The following FGB variants were observed in gnomAD, a reference collection of about 807,000 sequenced individuals.
FGB encodes the protein beta-fibrinogen.
FGB carries 25 observed loss-of-function variants against 57.9 expected under a neutral mutation model. That is an observed-to-expected ratio of 0.43 (90% CI 0.31 to 0.60). FGB has a LOEUF of 0.60. Ranked by LOEUF, FGB falls within the 20% of genes least tolerant of loss-of-function variation. The probability of loss-of-function intolerance (pLI) is 0.08; values close to 1 mark genes in which losing one functional copy is unlikely to be tolerated. For missense variants in FGB, 536 were observed against 598.4 expected, an observed-to-expected ratio of 0.90 and a Z score of 1.09; for synonymous variants, 203 against 199.2, an observed-to-expected ratio of 1.02 and a Z score of -0.16.
chr4:154,566,439 TCCATGAC>T (rs758347635), intron 2 of FGB, 43 bp from the exon 3 acceptor site: 3 of 1,542,166 alleles, frequency 1.9e-6, no homozygotes, highest in South Asian at 1.1e-5. Flanking sequence ...TTAACAAATG[TCCATGAC>T]CCAAATCCTT....
At chr4:154,568,682 CAAAA>C (rs1234971217) in intron 5 of FGB, among the ~76,000 whole-genome samples, 188 bp downstream of exon 5, 3 of 84,490 alleles carry the variant, frequency 3.6e-5, no homozygotes, top group Non-Finnish European at 6.8e-5. Flanking sequence ...CCTAACTCTA[CAAAA>C]AAAAAAAAAA....
rs962519164 is a variant in FGB at position 154,572,786 on chromosome 4, A to G, written c.*2136A>G. Among the ~76,000 whole-genome samples the G allele has an allele frequency of 6.6e-6, 1 of 152,166 alleles. No homozygotes were observed. Among genetic ancestry groups the G allele is most frequent in the Non-Finnish European group, 1.5e-5 (1 of 68,024 alleles). On this transcript the variant is annotated 3_prime_UTR_variant, in exon 8 of 8. Coordinates refer to ENST00000302068, the MANE Select transcript of FGB (RefSeq NM_005141.5). ...TATCACTGGCACAGTCAAGATATTA[A>G]ATATATCCATCACCTCCAAAAGTTT... is the stretch of plus-strand genomic sequence containing the variant.
At position 154,570,704 on chromosome 4, in the gene FGB, A is replaced by G. The variant is rs1730388979; in HGVS notation, c.*54A>G. ...GTATGTGACAACATTTTTGTACATT[A>G]TGTTATTGGAATTTTCTTTCATACA... is the stretch of plus-strand genomic sequence containing the variant. On this transcript the variant is annotated 3_prime_UTR_variant, in exon 8 of 8. Transcript: ENST00000302068. 7.4e-7 allele frequency: 1 copy of G among 1,352,988 alleles called. No homozygotes were observed. The highest frequency in any genetic ancestry group is 1.7e-5 in the Admixed American group (1 of 57,410). The allele number at this position is 1,352,988 out of a possible 1,614,324, so 83.8% of individuals were successfully genotyped here.
chr4:154,567,849 G>C, intron 4 of FGB, 29 bp downstream of exon 4: 1 of 1,521,890 alleles, frequency 6.6e-7, no homozygotes, highest in Non-Finnish European at 9.1e-7. Context: ...TATTTTTAGA[G>C]AGTTCCAGAA....
At position 154,569,846 on chromosome 4, in the gene FGB, C is replaced by T. The variant is rs753182744; in HGVS notation, c.1244+47C>T. 12 of 1,597,836 alleles carry T rather than the reference C, an allele frequency of 7.5e-6. No individual in the cohort carries two copies. In the South Asian group the frequency reaches 1.1e-4, roughly 15 times the overall value. On this transcript the variant is annotated intron_variant, in intron 7 of 7. Coordinates refer to ENST00000302068, the MANE Select transcript of FGB (RefSeq NM_005141.5). ...CCTGCTTTAAAAATCACACTAATAT[C>T]ATTACTCAGAATCATTAACAATATT...
Position 154,568,457 on chromosome 4 carries a change from G to A in FGB, c.795G>A (p.Pro265=), listed in dbSNP as rs144912407. The part of the protein sequence containing the change: ...YLIQPDSSVK[P]YRVYCDMNTE... ...TTCAACCTGACAGTTCTGTCAAACCGTATAGAGTATACTGTGACATGAATA... is the reference window on the plus strand; with the variant it reads ...TTCAACCTGACAGTTCTGTCAAACCATATAGAGTATACTGTGACATGAATA... The change falls in exon 5 of 8, where the codon CCG becomes CCA. Residue 265 remains proline (P), a synonymous_variant. Transcript: ENST00000302068. 3.6e-5 allele frequency: 58 copies of A among 1,598,048 alleles called. No individual in the cohort carries two copies. Among genetic ancestry groups the A allele is most frequent in the South Asian group, 1.4e-4 (13 of 90,746 alleles).
intron 7 of FGB, 110 bp downstream of exon 7, chr4:154,569,909 C>A: frequency 2.5e-6 from 3 of 1,189,412 alleles, no homozygotes; most frequent in South Asian, 1.3e-5. Flanking sequence ...TACTGTCAGC[C>A]ACTGTCCTAA....
chr4:154,563,215 A>T, intron 1 of FGB, 83 bp downstream of exon 1: 3 of 661,094 alleles, frequency 4.5e-6, no homozygotes, highest in South Asian at 1.9e-5. Context: ...GCTTATTTTA[A>T]TGAAATTAGC....
chr4:154,568,738 C>G (rs2110773515), intron 5 of FGB, among the ~76,000 whole-genome samples: 1 of 150,608 alleles, frequency 6.6e-6, no homozygotes, highest in South Asian at 2.1e-4. Flanking sequence ...GTAGTATGTG[C>G]CTGTAGTCCC....
chr4:154,567,322 C>T (rs752752373), intron 3 of FGB, among the ~76,000 whole-genome samples: 15 of 152,136 alleles, frequency 9.9e-5, no homozygotes, highest in Non-Finnish European at 1.8e-4. Context: ...TTTCCCTCAC[C>T]AAAGAAATAA....
chr4:154,568,344 A>AC, intron 4 of FGB, 37 bp from the exon 5 acceptor site: 1 of 1,074,482 alleles, frequency 9.3e-7, no homozygotes, highest in Non-Finnish European at 1.5e-6. Flanking sequence ...TAATTATGTC[A>AC]TAAACCCCTG....
chr4:154,563,170 T>G (rs372604576), intron 1 of FGB, 38 bp downstream of exon 1: 57 of 823,468 alleles, frequency 6.9e-5, no homozygotes, highest in South Asian at 4.7e-4. Context: ...ATTAGTAGTA[T>G]TATTAATATA....
intron 3 of FGB, 58 bp downstream of exon 3, chr4:154,566,730 T>C (rs979168616): frequency 1.1e-5 from 17 of 1,492,916 alleles, no homozygotes; most frequent in Non-Finnish European, 1.3e-5. Flanking sequence ...ACCGTTAGAC[T>C]GCCACGAGAA....
At position 154,569,635 on chromosome 4, in the gene FGB, T is replaced by C; in HGVS notation, c.1080T>C (p.Thr360=). 1 of 1,614,152 alleles carries C rather than the reference T, an allele frequency of 6.2e-7. No homozygotes were observed. Among genetic ancestry groups the C allele is most frequent in the Non-Finnish European group, 8.5e-7 (1 of 1,180,028 alleles). ...TAAAGGCTCACTATGGAGGATTCAC[T>C]GTACAGAATGAAGCCAACAAATACC... ...DKVKAHYGGF[T]VQNEANKYQI... is the part of the protein sequence containing the mutation. Residue 360 remains threonine (T), a synonymous_variant, in exon 7 of 8, where the codon ACT becomes ACC. Coordinates refer to ENST00000302068, the MANE Select transcript of FGB (RefSeq NM_005141.5).
In FGB at chr4:154,571,920, G is replaced by A. The variant is rs1730444688; in HGVS notation, c.*1270G>A. Among the ~76,000 whole-genome samples, 1 of 152,116 alleles carries A rather than the reference G, an allele frequency of 6.6e-6. No individual in the cohort carries two copies. Among genetic ancestry groups the A allele is most frequent in the Non-Finnish European group, 1.5e-5 (1 of 68,030 alleles). ...GCTCATTAATTTCTGTCTTGGAAAT[G>A]CTACTACTCTCTTTAATTACTCACC... On this transcript the variant is annotated 3_prime_UTR_variant, in exon 8 of 8. Transcript: ENST00000302068.
At chr4:154,567,987 C>T in intron 4 of FGB, 167 bp downstream of exon 4, 1 of 688,896 alleles carries the variant, frequency 1.5e-6, no homozygotes, top group Non-Finnish European at 2.6e-6. Flanking sequence ...TTTGGACTGG[C>T]CTGGTGCATT....
intron 6 of FGB, 61 bp from the exon 7 acceptor site, chr4:154,569,452 AG>A: frequency 1.3e-6 from 2 of 1,590,896 alleles, no homozygotes; most frequent in Non-Finnish European, 1.7e-6. Flanking sequence ...AAGGGAAGAA[AG>A]GCAGTTTTTA....
chr4:154,572,176 T>A lies in FGB; in HGVS notation c.*1526T>A, dbSNP rs1194969282. Among the ~76,000 whole-genome samples, 2 of 152,148 alleles carry A rather than the reference T, an allele frequency of 1.3e-5. No individual in the cohort carries two copies. Among genetic ancestry groups the A allele is most frequent in the Admixed American group, 6.6e-5 (1 of 15,266 alleles). On this transcript the variant is annotated 3_prime_UTR_variant, in exon 8 of 8. Transcript: ENST00000302068. ...CCTGTTCCCTTCACTATAACCTACATTTTTGTCACATTAAGTTTTTCCCCA... is the reference window on the plus strand; with the variant it reads ...CCTGTTCCCTTCACTATAACCTACAATTTTGTCACATTAAGTTTTTCCCCA...
Position 154,570,656 on chromosome 4 carries a change from A to C in FGB, c.*6A>C. 1 of 1,606,414 alleles carries C rather than the reference A, an allele frequency of 6.2e-7. No individual in the cohort carries two copies. On this transcript the variant is annotated 3_prime_UTR_variant, in exon 8 of 8. Transcript: ENST00000302068. ...CCTTCTTCCCACAGCAATAGTCCCC[A>C]ATACGTAGATTTTTGCTCTTCTGTA...
Sources: allele counts gnomAD v4.1 joint callset (sites outside exome capture counted in the v4.1 genomes callset), GRCh38; gene constraint gnomAD v4.1.1; transcripts MANE v1.5; gene names NCBI Gene and HGNC (gene_info 2026-07-23, HGNC 2026-07-21).